NLRP8: variants seen among roughly 807,000 people sequenced by gnomAD.
The protein encoded by NLRP8 is NLR family pyrin domain containing 8, also known as NACHT, LRR and PYD domains-containing protein 8.
In NLRP8, 86 loss-of-function variants were observed where a neutral mutation model predicts 88.7. The ratio of observed to expected loss-of-function variants is 0.97; its 90% CI spans 0.81 to 1.16. The LOEUF is 1.16. Ranked by LOEUF, NLRP8 falls within the 50% of genes most tolerant of loss-of-function variation. NLRP8 has a pLI of 0.00. For synonymous variants in NLRP8, 504 were observed against 494.6 expected (o/e 1.02, Z -0.25); for missense variants, 1,342 against 1,286.5 (o/e 1.04, Z -0.66).
chr19:55,968,526 A>G (rs1405991576), intron 5 of NLRP8, among the ~76,000 whole-genome samples: 2 of 152,020 alleles, frequency 1.3e-5, no homozygotes, highest in African/African-American at 4.8e-5. Context: ...GGATCACCTG[A>G]GGTCAGGAGT....
Position 55,970,619 on chromosome 19 carries a change from G to C in NLRP8, c.2457G>C (p.Lys819Asn). 1 of 1,614,116 alleles carries C rather than the reference G, an allele frequency of 6.2e-7. No individual in the cohort carries two copies. The highest frequency in any genetic ancestry group is 8.5e-7 in the Non-Finnish European group (1 of 1,180,028). Residue 819 changes from lysine to asparagine, a missense_variant, in exon 6 of 10, where the codon AAG (lysine) becomes AAC (asparagine). Transcript: ENST00000291971. ...ATCTTCAAGGTAACGGGCATCTAAA[G>C]ACTCTCATACTAAGAAAAAACTCCC...
rs372122971 is a variant in NLRP8, at chr19:55,970,616, A to G, written c.2454A>G (p.Leu818=). Residue 818 remains leucine (L), a synonymous_variant, in exon 6 of 10, where the codon CTA becomes CTG. Transcript: ENST00000291971. ...ATAATCTTCAAGGTAACGGGCATCT[A>G]AAGACTCTCATACTAAGAAAAAACT... The G allele has an allele frequency of 5.0e-6, 8 of 1,613,998 alleles. No homozygotes were observed. The highest frequency in any genetic ancestry group is 6.8e-6 in the Non-Finnish European group (8 of 1,180,036).
rs751990142 is a variant in NLRP8 at position 55,957,677 on chromosome 19, ATATATATATATATATATATATAT to A, written c.2042+1578_2042+1600del. On this transcript the variant is annotated intron_variant, in intron 3 of 9. Coordinates refer to ENST00000291971, the MANE Select transcript of NLRP8 (RefSeq NM_176811.2). ...TTAAAAAAGAAAAAATAATAATTATATATATATATATATATATATATATATATATATATATATATATATATATA... is the reference window on the plus strand; with the variant it reads ...TTAAAAAAGAAAAAATAATAATTATAATATATATATATATATATATATATA... Among the ~76,000 whole-genome samples the A allele has an allele frequency of 5.2e-3, 62 of 11,964 alleles. 2 individuals carry two copies. The highest frequency in any genetic ancestry group is 0.01 in the African/African-American group (55 of 5,400). 7.8% of individuals were successfully genotyped at this position (11,964 alleles called of 152,430 possible). A position where few individuals can be genotyped will look rare whatever the true frequency, so the allele number is the denominator to read the frequency against.
At chr19:55,982,854 G>A (rs1395158643) in intron 9 of NLRP8, among the ~76,000 whole-genome samples, 2 of 152,176 alleles carry the variant, frequency 1.3e-5, no homozygotes, top group African/African-American at 2.4e-5. Context: ...GCTGAAGTGG[G>A]AAGATCACTT....
In NLRP8 at chr19:55,976,285, G is replaced by A. The variant is rs1345460304; in HGVS notation, c.2858G>A (p.Cys953Tyr). The A allele has an allele frequency of 7.5e-6, 12 of 1,606,902 alleles. No homozygotes were observed. The highest frequency in any genetic ancestry group is 1.0e-5 in the Non-Finnish European group (12 of 1,178,098). Residue 953 changes from cysteine (C) to tyrosine (Y), a missense_variant, in exon 8 of 10, where the codon TGT becomes TAT. Physicochemically the swap from Cys to Tyr is radical, Grantham distance 194. Coordinates refer to ENST00000291971, the MANE Select transcript of NLRP8 (RefSeq NM_176811.2). Reference sequence around the variant, plus strand: ...TGTGAGGCCCTGAAGAACCCTGACTGTACATTACAGATCCTGGAGTAAGTG... The same window carrying A: ...TGTGAGGCCCTGAAGAACCCTGACTATACATTACAGATCCTGGAGTAAGTG...
intron 1 of NLRP8, among the ~76,000 whole-genome samples, chr19:55,948,550 C>T (rs887169939): frequency 6.6e-6 from 1 of 152,200 alleles, no homozygotes; most frequent in African/African-American, 2.4e-5. Flanking sequence ...ATTCTCCTGC[C>T]TCAGCCTCCT....
rs556068151 is a variant in NLRP8 at position 55,985,319 on chromosome 19, A to G, written c.3048-2495A>G. 3.9e-3 allele frequency among the ~76,000 whole-genome samples: 533 copies of G among 137,342 alleles called. 4 individuals are homozygous for G. The highest frequency in any genetic ancestry group is 0.017 in the African/African-American group (508 of 30,518). 90.1% of individuals were successfully genotyped at this position (137,342 alleles called of 152,430 possible). A position where few individuals can be genotyped will look rare whatever the true frequency, so the allele number is the denominator to read the frequency against. The stretch of plus-strand genomic sequence containing the variant: ...CTCTGTCTCAAAAAAATAAAAATGA[A>G]AAAGAAAAAAAAGAAATGCAAAGAG... On this transcript the variant is annotated intron_variant, in intron 9 of 9. Coordinates refer to ENST00000291971, the MANE Select transcript of NLRP8 (RefSeq NM_176811.2).
intron 3 of NLRP8, 94 bp downstream of exon 3, chr19:55,956,194 T>TGA: frequency 1.4e-5 from 18 of 1,258,598 alleles, no homozygotes; most frequent in Non-Finnish European, 1.4e-5. Context: ...TGCAAACCTT[T>TGA]CTGATCTCTT....
chr19:55,966,045 G>A (rs886992886), intron 4 of NLRP8, among the ~76,000 whole-genome samples, 168 bp from the exon 5 acceptor site: 2 of 152,122 alleles, frequency 1.3e-5, no homozygotes, highest in Non-Finnish European at 2.9e-5. Context: ...AATAATCACA[G>A]GTTTGTGTCA....
Position 55,974,609 on chromosome 19 carries a change from G to A in NLRP8, c.2705+787G>A, listed in dbSNP as rs371868398. Among the ~76,000 whole-genome samples the A allele has an allele frequency of 8.8e-4, 134 of 151,774 alleles. 2 individuals carry two copies. In the South Asian group the frequency reaches 0.018, roughly 20 times the overall value. On this transcript the variant is annotated intron_variant, in intron 7 of 9. Transcript: ENST00000291971. ...AAATTAGCCGGGCACAGTGGCGGGC[G>A]CCTGTAGTCCCAGCTACTCAGGAGG...
intron 5 of NLRP8, among the ~76,000 whole-genome samples, chr19:55,970,335 T>G (rs1168961425): frequency 1.3e-5 from 2 of 152,218 alleles, no homozygotes; most frequent in Non-Finnish European, 2.9e-5. Context: ...GTATTCCAGT[T>G]GATGACAGCC....
chr19:55,964,784 G>T (rs574554109), intron 4 of NLRP8, among the ~76,000 whole-genome samples: 50 of 151,534 alleles, frequency 3.3e-4, no homozygotes, highest in African/African-American at 1.2e-3. Context: ...GAACTAGTTA[G>T]CCACCTCCGT....
chr19:55,971,666 C>T lies in NLRP8; in HGVS notation c.2534+970C>T, dbSNP rs111289524. On this transcript the variant is annotated intron_variant, in intron 6 of 9. Coordinates refer to ENST00000291971, the MANE Select transcript of NLRP8 (RefSeq NM_176811.2). ...GGCTACACACAGACACACACACACA[C>T]GCACACACACACACTGTGATGAACA... Among the ~76,000 whole-genome samples, 54 of 126,742 alleles carry T rather than the reference C, an allele frequency of 4.3e-4. No homozygotes were observed. The East Asian group carries it at 0.018, about 43-fold the overall frequency. 83.1% of individuals were successfully genotyped at this position (126,742 alleles called of 152,430 possible). A position where few individuals can be genotyped will look rare whatever the true frequency, so the allele number is the denominator to read the frequency against.
intron 9 of NLRP8, among the ~76,000 whole-genome samples, chr19:55,987,557 G>A (rs140422810): frequency 6.6e-6 from 1 of 152,160 alleles, no homozygotes; most frequent in East Asian, 1.9e-4. Context: ...TGTTTACCAA[G>A]GGAGGAAGCT....
chr19:55,985,122 T>G (rs533613680), intron 9 of NLRP8, among the ~76,000 whole-genome samples: 1 of 152,082 alleles, frequency 6.6e-6, no homozygotes, highest in East Asian at 1.9e-4. Flanking sequence ...ACCAATATGG[T>G]GAAACCCCGT....
intron 3 of NLRP8, among the ~76,000 whole-genome samples, chr19:55,959,273 G>T (rs769608447): frequency 6.6e-6 from 1 of 150,428 alleles, no homozygotes; most frequent in East Asian, 2.0e-4. Context: ...GTGCAGTTGC[G>T]TGATCTCGGC....
At position 55,962,748 on chromosome 19, in the gene NLRP8, T is replaced by C. The variant is rs115914761; in HGVS notation, c.2213+511T>C. Reference sequence around the variant, plus strand: ...TGATGTTGAGCCATGATCTGGCCACTGCACTCCAGCCTGGGTGACAGAGTG... The same window carrying C: ...TGATGTTGAGCCATGATCTGGCCACCGCACTCCAGCCTGGGTGACAGAGTG... On this transcript the variant is annotated intron_variant, in intron 4 of 9. Coordinates refer to ENST00000291971, the MANE Select transcript of NLRP8 (RefSeq NM_176811.2). 9.3e-3 allele frequency among the ~76,000 whole-genome samples: 1,415 copies of C among 152,244 alleles called. 24 individuals are homozygous for C. The highest frequency in any genetic ancestry group is 0.032 in the African/African-American group (1,317 of 41,532).
chr19:55,948,301 T>A, intron 1 of NLRP8, 32 bp downstream of exon 1: 1 of 1,580,984 alleles, frequency 6.3e-7, no homozygotes, highest in African/African-American at 1.3e-5. Flanking sequence ...AAAGTGGGGG[T>A]GGGCTTGGCT....
intron 5 of NLRP8, among the ~76,000 whole-genome samples, chr19:55,969,983 C>T (rs1748915167): frequency 1.3e-5 from 2 of 152,132 alleles, no homozygotes; most frequent in South Asian, 2.1e-4. Flanking sequence ...CTCAGTTCTT[C>T]ACCTTGATGA....
Sources: gnomAD v4.1 joint callset for allele counts (sites outside exome capture counted in the v4.1 genomes callset) on GRCh38, gnomAD v4.1.1 for gene constraint, MANE v1.5 for transcripts, NCBI Gene and HGNC (gene_info 2026-07-23, HGNC 2026-07-21) for gene names.